Variants in ZNF714 observed in about 807,000 individuals in gnomAD.
The protein encoded by ZNF714 is zinc finger protein 714.
ZNF714 carries 32 observed loss-of-function variants against 46.2 expected under a neutral mutation model. The ratio of observed to expected loss-of-function variants is 0.69; its 90% CI spans 0.52 to 0.93. The LOEUF (loss-of-function observed/expected upper bound fraction) is 0.93, where lower values mean the gene tolerates loss of function less well. Among genes scored for constraint, ZNF714 ranks in the 40% least tolerant of loss-of-function variants. The pLI is 0.00. For missense variants in ZNF714, 635 were observed against 646.3 expected, an observed-to-expected ratio of 0.98 and a Z score of 0.19; for synonymous variants, 199 against 213.1, an observed-to-expected ratio of 0.93 and a Z score of 0.58.
At chr19:21,084,900 G>A (rs577793376) in intron 2 of ZNF714, among the ~76,000 whole-genome samples, 2 of 152,126 alleles carry the variant, frequency 1.3e-5, no homozygotes, top group African/African-American at 4.8e-5. Context: ...GATAACAGGT[G>A]TGAGCCACCA....
At chr19:21,100,367 A>G (rs1230452693) in intron 4 of ZNF714, among the ~76,000 whole-genome samples, 1 of 151,770 alleles carries the variant, frequency 6.6e-6, no homozygotes, top group Non-Finnish European at 1.5e-5. Context: ...TACTAAAAAT[A>G]CAAAAGTGGC....
chr19:21,103,715 C>A (rs73022669), intron 4 of ZNF714, among the ~76,000 whole-genome samples: 1 of 152,018 alleles, frequency 6.6e-6, no homozygotes, highest in East Asian at 1.9e-4. Flanking sequence ...GGGCAACATT[C>A]GGAGATTCCC....
chr19:21,107,920 GTCT>G (rs1372472421), intron 4 of ZNF714, among the ~76,000 whole-genome samples: 1 of 152,012 alleles, frequency 6.6e-6, no homozygotes, highest in Non-Finnish European at 1.5e-5. Flanking sequence ...TATGATTTTG[GTCT>G]TCTTATTTAT....
At chr19:21,094,455 C>T (rs533120654) in intron 2 of ZNF714, among the ~76,000 whole-genome samples, 2 of 152,344 alleles carry the variant, frequency 1.3e-5, no homozygotes, top group African/African-American at 4.8e-5. Context: ...CTGCTTTTCA[C>T]AATGGTTGAA....
chr19:21,089,061 A>C (rs1050047187), intron 2 of ZNF714, among the ~76,000 whole-genome samples: 2 of 152,196 alleles, frequency 1.3e-5, no homozygotes, highest in Non-Finnish European at 2.9e-5. Context: ...TTTCTCACCC[A>C]GTTATTACAT....
In ZNF714 at chr19:21,119,793, G is replaced by C. The variant is rs574720735; in HGVS notation, c.*1461G>C. The stretch of plus-strand genomic sequence containing the variant: ...CAGATATACTAAATCAGAGGGCTGA[G>C]TATAGAAAATTAAAGTTGGTAGAAA... On this transcript the variant is annotated 3_prime_UTR_variant, in exon 5 of 5. Transcript: ENST00000456283. The C allele has an allele frequency of 6.6e-6, 1 of 152,312 alleles. No individual in the cohort carries two copies. Among genetic ancestry groups the C allele is most frequent in the East Asian group, 1.9e-4 (1 of 5,182 alleles). The allele number at this position is 152,312 out of a possible 1,614,324, so 9.4% of individuals were successfully genotyped here. A position where few individuals can be genotyped will look rare whatever the true frequency, so the allele number is the denominator to read the frequency against.
chr19:21,112,122 A>G (rs1969461339), intron 4 of ZNF714, among the ~76,000 whole-genome samples: 1 of 152,084 alleles, frequency 6.6e-6, no homozygotes, highest in Non-Finnish European at 1.5e-5. Flanking sequence ...AGTTAAGGAG[A>G]GGCCCCTCCT....
chr19:21,083,862 G>GT (rs929410114), intron 1 of ZNF714, 116 bp from the exon 2 acceptor site: 2 of 375,360 alleles, frequency 5.3e-6, no homozygotes, highest in African/African-American at 4.5e-5. Context: ...CCACCCTTTA[G>GT]TTTTTTTCTG....
At chr19:21,092,738 G>T (rs774693110) in intron 2 of ZNF714, among the ~76,000 whole-genome samples, 12 of 151,900 alleles carry the variant, frequency 7.9e-5, no homozygotes, top group Non-Finnish European at 1.0e-4. Context: ...TTCTTTCATT[G>T]TCTATTCTCA....
chr19:21,085,500 A>T (rs1232616175), intron 2 of ZNF714, among the ~76,000 whole-genome samples: 2 of 152,296 alleles, frequency 1.3e-5, no homozygotes, highest in Non-Finnish European at 2.9e-5. Flanking sequence ...TCCTTCCCTT[A>T]TATGAACACT....
chr19:21,109,222 AATTT>A lies in ZNF714; in HGVS notation c.143-7576_143-7573del, dbSNP rs1348336848. 4.6e-5 allele frequency among the ~76,000 whole-genome samples: 7 copies of A among 151,976 alleles called. No individual in the cohort carries two copies. The South Asian group carries it at 1.0e-3, about 23-fold the overall frequency. ...AGCCATCTTATTTTTTCTTTTTATAAATTTATTTATTTTTGAGATAAAGTCTCAC... is the reference window on the plus strand; with the variant it reads ...AGCCATCTTATTTTTTCTTTTTATAAATTTATTTTTGAGATAAAGTCTCAC... On this transcript the variant is annotated intron_variant, in intron 4 of 4. Coordinates refer to ENST00000456283, the MANE Select transcript of ZNF714 (RefSeq NM_182515.4).
At chr19:21,092,906 C>CTTTTTTTTT (rs56845417) in intron 2 of ZNF714, among the ~76,000 whole-genome samples, 7 of 101,706 alleles carry the variant, frequency 6.9e-5, no homozygotes, top group Admixed American at 1.3e-4. Flanking sequence ...ATAACTTAAA[C>CTTTTTTTTT]TTTTTTTTTT....
Position 21,119,685 on chromosome 19 carries a change from A to G in ZNF714, c.*1353A>G, listed in dbSNP as rs796642150. 46 of 152,346 alleles carry G rather than the reference A, an allele frequency of 3.0e-4. No individual in the cohort carries two copies. Among genetic ancestry groups the G allele is most frequent in the African/African-American group, 1.1e-3 (46 of 41,580 alleles). 9.4% of individuals were successfully genotyped at this position (152,346 alleles called of 1,614,324 possible). Reference sequence around the variant, plus strand: ...AGAATATATTTTTGCAGATGCAGTAAAAGTTAAAAAAAATTTAATCCATAA... The same window carrying G: ...AGAATATATTTTTGCAGATGCAGTAGAAGTTAAAAAAAATTTAATCCATAA... On this transcript the variant is annotated 3_prime_UTR_variant, in exon 5 of 5. Transcript: ENST00000456283.
chr19:21,084,551 GC>G (rs1433733424), intron 2 of ZNF714, among the ~76,000 whole-genome samples: 2 of 152,026 alleles, frequency 1.3e-5, no homozygotes, highest in Admixed American at 1.3e-4. Flanking sequence ...TGACTGAATA[GC>G]CTGACTTGAA....
At chr19:21,087,222 C>CAAAAAA (rs57295093) in intron 2 of ZNF714, among the ~76,000 whole-genome samples, 16 of 92,150 alleles carry the variant, frequency 1.7e-4, no homozygotes, top group African/African-American at 6.1e-4. Flanking sequence ...GCAGTCTCAG[C>CAAAAAA]AAAAAAAAAA....
intron 4 of ZNF714, among the ~76,000 whole-genome samples, chr19:21,102,373 A>G (rs961178515): frequency 6.6e-6 from 1 of 152,198 alleles, no homozygotes; most frequent in Non-Finnish European, 1.5e-5. Context: ...TGCTGCAGGT[A>G]AAAAGGAATT....
chr19:21,115,184 T>C (rs373057068), intron 4 of ZNF714, among the ~76,000 whole-genome samples: 1 of 152,092 alleles, frequency 6.6e-6, no homozygotes, highest in African/African-American at 2.4e-5. Context: ...AAATTTGTCA[T>C]TGATGTTGCT....
At chr19:21,088,144 T>C (rs886561394) in intron 2 of ZNF714, among the ~76,000 whole-genome samples, 5 of 152,176 alleles carry the variant, frequency 3.3e-5, no homozygotes, top group Admixed American at 1.3e-4. Flanking sequence ...TAGTGGCATT[T>C]TGAGAAGTCT....
chr19:21,092,203 A>AC (rs1225875596), intron 2 of ZNF714, among the ~76,000 whole-genome samples: 1 of 146,688 alleles, frequency 6.8e-6, no homozygotes, highest in African/African-American at 2.5e-5. Context: ...CTGATGACAG[A>AC]CCCCCTTTTC....
Sources: allele counts gnomAD v4.1 joint callset (sites outside exome capture counted in the v4.1 genomes callset), GRCh38; gene constraint gnomAD v4.1.1; transcripts MANE v1.5; gene names NCBI Gene and HGNC (gene_info 2026-07-23, HGNC 2026-07-21).